The following EZR variants were observed in gnomAD, a reference collection of about 807,000 sequenced individuals.
EZR encodes cytovillin 2.
EZR carries 40 observed loss-of-function variants against 74.8 expected under a neutral mutation model. That is an observed-to-expected ratio of 0.53 (90% CI 0.42 to 0.70). EZR has a LOEUF of 0.70. Among genes scored for constraint, EZR ranks in the 30% least tolerant of loss-of-function variants. The probability of loss-of-function intolerance (pLI) is 0.00; values close to 1 mark genes in which losing one functional copy is unlikely to be tolerated. For synonymous variants in EZR, 341 were observed against 283.3 expected, an observed-to-expected ratio of 1.20 and a Z score of -2.05; for missense variants, 678 against 755.8, an observed-to-expected ratio of 0.90 and a Z score of 1.21.
In EZR at chr6:158,801,730, C is replaced by T. The variant is rs570761501; in HGVS notation, c.13-12359G>A. ...TCACAACCCTGATAACCACTATAACCAGCACTCCCCACAGGGGTCAAAGTG... is the reference window on the plus strand; with the variant it reads ...TCACAACCCTGATAACCACTATAACTAGCACTCCCCACAGGGGTCAAAGTG... On this transcript the variant is annotated intron_variant, in intron 2 of 13. Coordinates refer to ENST00000367075, the MANE Select transcript of EZR (RefSeq NM_001111077.2). 1.4e-4 allele frequency among the ~76,000 whole-genome samples: 21 copies of T among 152,316 alleles called. No individual in the cohort carries two copies. The South Asian group carries it at 4.4e-3, about 32-fold the overall frequency.
intron 2 of EZR, among the ~76,000 whole-genome samples, chr6:158,797,566 G>A (rs958816257): frequency 6.6e-6 from 1 of 151,902 alleles, no homozygotes; most frequent in African/African-American, 2.4e-5. Context: ...GCCTTCTTCC[G>A]AAGGTGCCAC....
intron 2 of EZR, among the ~76,000 whole-genome samples, chr6:158,791,425 G>C (rs529066226): frequency 6.6e-6 from 1 of 152,146 alleles, no homozygotes; most frequent in East Asian, 1.9e-4. Flanking sequence ...ATGGTTCCAA[G>C]GGCATGTATT....
In EZR at chr6:158,766,633, G is replaced by A. The variant is rs1215451669; in HGVS notation, c.*281C>T. 5 of 390,452 alleles carry A rather than the reference G, an allele frequency of 1.3e-5. No homozygotes were observed. The East Asian group carries it at 2.3e-4, about 18-fold the overall frequency. 24.2% of individuals were successfully genotyped at this position (390,452 alleles called of 1,614,324 possible). A position where few individuals can be genotyped will look rare whatever the true frequency, so the allele number is the denominator to read the frequency against. Reference sequence around the variant, plus strand: ...TGAAGTTTCTTACTCAGACTTTACAGGCATTTTCCGTAATTCAATCAGTCC... The same window carrying A: ...TGAAGTTTCTTACTCAGACTTTACAAGCATTTTCCGTAATTCAATCAGTCC... On this transcript the variant is annotated 3_prime_UTR_variant, in exon 14 of 14. Coordinates refer to ENST00000367075, the MANE Select transcript of EZR (RefSeq NM_001111077.2).
intron 3 of EZR, 45 bp downstream of exon 3, chr6:158,789,243 G>GTTTT: frequency 7.0e-7 from 1 of 1,435,874 alleles, no homozygotes; most frequent in South Asian, 1.2e-5. Flanking sequence ...TTGCAAAACA[G>GTTTT]TTTTTTTTTG....
intron 8 of EZR, 120 bp from the exon 9 acceptor site, chr6:158,771,527 G>C: frequency 9.2e-7 from 1 of 1,085,570 alleles, no homozygotes; most frequent in Non-Finnish European, 1.3e-6. Flanking sequence ...AACAGGGATG[G>C]CAGCATCTCG....
intron 12 of EZR, among the ~76,000 whole-genome samples, chr6:158,768,217 G>A (rs1485927362): frequency 6.6e-6 from 1 of 151,950 alleles, no homozygotes; most frequent in Non-Finnish European, 1.5e-5. Flanking sequence ...TCAGTGTTTG[G>A]CATTACCCCC....
At position 158,767,273 on chromosome 6, in the gene EZR, C is replaced by T. The variant is rs772381518; in HGVS notation, c.1584G>A (p.Gln528=). The T allele has an allele frequency of 3.1e-6, 5 of 1,612,830 alleles. No individual in the cohort carries two copies. The highest frequency in any genetic ancestry group is 3.4e-6 in the Non-Finnish European group (4 of 1,179,224). Residue 528 remains glutamine (Q), a synonymous_variant, in exon 13 of 14, where the codon CAG becomes CAA. Transcript: ENST00000367075. ...ITEAEKNERV[Q]RQLLTLSSEL... ...CCTTGGGCCTCACCAGCAGCTGCCGCTGCACACGCTCGTTCTTCTCTGCCT... is the reference window on the plus strand; with the variant it reads ...CCTTGGGCCTCACCAGCAGCTGCCGTTGCACACGCTCGTTCTTCTCTGCCT...
intron 2 of EZR, among the ~76,000 whole-genome samples, chr6:158,800,035 T>C (rs1407344283): frequency 6.6e-6 from 1 of 152,176 alleles, no homozygotes; most frequent in African/African-American, 2.4e-5. Flanking sequence ...CCAGCAAGCA[T>C]ATGGTTAGAA....
At chr6:158,818,515 G>C (rs1193921834) in intron 1 of EZR, among the ~76,000 whole-genome samples, 2 of 150,780 alleles carry the variant, frequency 1.3e-5, no homozygotes, top group Admixed American at 6.6e-5. Context: ...CCGGGAGAGA[G>C]AGGGCAGGGG....
At chr6:158,809,935 C>G (rs1250929940) in intron 2 of EZR, among the ~76,000 whole-genome samples, 1 of 152,154 alleles carries the variant, frequency 6.6e-6, no homozygotes, top group Non-Finnish European at 1.5e-5. Context: ...TGATAGTTTA[C>G]CTACCCCATC....
chr6:158,805,067 G>C (rs1777305166), intron 2 of EZR, among the ~76,000 whole-genome samples: 1 of 152,030 alleles, frequency 6.6e-6, no homozygotes, highest in Non-Finnish European at 1.5e-5. Context: ...TCCAATTTCT[G>C]ATCTTGGGAG....
At position 158,803,582 on chromosome 6, in the gene EZR, CATATATATATATAT is replaced by C. The variant is rs60495898; in HGVS notation, c.13-14225_13-14212del. ...ATATATATATATATATATATATATA[CATATATATATATAT>C]ATATATATACATATATATATATATA... On this transcript the variant is annotated intron_variant, in intron 2 of 13. Coordinates refer to ENST00000367075, the MANE Select transcript of EZR (RefSeq NM_001111077.2). 1.4e-3 allele frequency among the ~76,000 whole-genome samples: 60 copies of C among 43,648 alleles called. 2 individuals are homozygous for C. Among genetic ancestry groups the C allele is most frequent in the Middle Eastern group, 0.011 (1 of 92 alleles). 28.6% of individuals were successfully genotyped at this position (43,648 alleles called of 152,430 possible).
Position 158,818,069 on chromosome 6 carries a change from CTG to C in EZR, c.12+11_12+12del, listed in dbSNP as rs1562510858. 4 of 1,609,330 alleles carry C rather than the reference CTG, an allele frequency of 2.5e-6. No individual in the cohort carries two copies. The highest frequency in any genetic ancestry group is 3.4e-6 in the Non-Finnish European group (4 of 1,176,928). On this transcript the variant is annotated intron_variant, in intron 2 of 13. Transcript: ENST00000367075. The stretch of plus-strand genomic sequence containing the variant: ...CTCTCCCGTCCGCCCGGCCCAGAAA[CTG>C]GGCAACTTACTGGTTTCGGCATTTT...
At chr6:158,795,989 G>C (rs1388189715) in intron 2 of EZR, among the ~76,000 whole-genome samples, 1 of 152,186 alleles carries the variant, frequency 6.6e-6, no homozygotes, top group African/African-American at 2.4e-5. Context: ...ACTCTGAAAT[G>C]CTAGGTTCAA....
rs1562486305 is a variant in EZR at position 158,766,322 on chromosome 6, A to AT, written c.*591_*592insA. On this transcript the variant is annotated 3_prime_UTR_variant, in exon 14 of 14. Coordinates refer to ENST00000367075, the MANE Select transcript of EZR (RefSeq NM_001111077.2). ...GCAAAAAAAAAAAAAACAAAAAAAA[A>AT]AATCCAAGTGTCCTCCTCCACCACT... The AT allele has an allele frequency of 1.5e-5, 2 of 129,174 alleles. No homozygotes were observed. The highest frequency in any genetic ancestry group is 3.5e-5 in the Non-Finnish European group (2 of 57,222). 8.0% of individuals were successfully genotyped at this position (129,174 alleles called of 1,614,324 possible).
At chr6:158,807,495 T>C (rs1299577992) in intron 2 of EZR, among the ~76,000 whole-genome samples, 1 of 152,178 alleles carries the variant, frequency 6.6e-6, no homozygotes, top group Non-Finnish European at 1.5e-5. Context: ...GATGGACTTA[T>C]CACCAAACCC....
At chr6:158,769,745 C>T (rs2128564669) in intron 11 of EZR, 39 bp downstream of exon 11, 2 of 1,609,520 alleles carry the variant, frequency 1.2e-6, no homozygotes, top group Middle Eastern at 1.7e-4. Context: ...GAAGCAGCCT[C>T]TCTATAATTC....
chr6:158,813,244 A>G (rs1382476094), intron 2 of EZR, among the ~76,000 whole-genome samples: 1 of 152,062 alleles, frequency 6.6e-6, no homozygotes, highest in African/African-American at 2.4e-5. Context: ...TCACGTCCTC[A>G]AGGATGCCTT....
chr6:158,805,608 C>G (rs914935203), intron 2 of EZR, among the ~76,000 whole-genome samples: 2 of 152,102 alleles, frequency 1.3e-5, no homozygotes, highest in African/African-American at 4.8e-5. Context: ...TTTAAAAAAT[C>G]CAAACTAAAT....
Sources: allele counts gnomAD v4.1 joint callset (sites outside exome capture counted in the v4.1 genomes callset), GRCh38; gene constraint gnomAD v4.1.1; transcripts MANE v1.5; gene names NCBI Gene and HGNC (gene_info 2026-07-23, HGNC 2026-07-21).